GCC2: variants seen among roughly 807,000 people sequenced by gnomAD.
The protein encoded by GCC2 is GRIP and coiled-coil domain-containing protein 2.
A neutral mutation model predicts 210.6 loss-of-function variants in GCC2; 120 were observed. That is an observed-to-expected ratio of 0.57 (90% confidence interval 0.49 to 0.66). The LOEUF (loss-of-function observed/expected upper bound fraction) is 0.66. Ranked by LOEUF, GCC2 falls within the 30% of genes least tolerant of loss-of-function variation. GCC2 has a pLI of 0.00. For missense variants in GCC2, 1,868 were observed against 1,871.9 expected (o/e 1.00, Z 0.04); for synonymous variants, 703 against 652.7 (o/e 1.08, Z -1.17).
Position 108,475,655 on chromosome 2 carries a change from G to T in GCC2, c.2961+20G>T. The T allele has an allele frequency of 6.7e-7, 1 of 1,489,588 alleles. No individual in the cohort carries two copies. The highest frequency in any genetic ancestry group is 9.1e-7 in the Non-Finnish European group (1 of 1,093,388). The allele number at this position is 1,489,588 out of a possible 1,614,324, so 92.3% of individuals were successfully genotyped here. A position where few individuals can be genotyped will look rare whatever the true frequency, so the allele number is the denominator to read the frequency against. The stretch of plus-strand genomic sequence containing the variant: ...AAAGAGGTGAGCTGACTTTAAAAAT[G>T]TAAGATTCCGGAATCTCACATTTTT... On this transcript the variant is annotated intron_variant, in intron 8 of 22. Coordinates refer to ENST00000309863, the MANE Select transcript of GCC2 (RefSeq NM_181453.4).
intron 9 of GCC2, among the ~76,000 whole-genome samples, chr2:108,481,041 C>A (rs1219013479): frequency 6.6e-6 from 1 of 152,216 alleles, no homozygotes; most frequent in African/African-American, 2.4e-5. Context: ...TAAAGAACTA[C>A]ATGCAGTCTC....
At chr2:108,486,296 CTTT>C in intron 15 of GCC2, 1 of 550,760 alleles carries the variant, frequency 1.8e-6, no homozygotes, top group Admixed American at 3.3e-5. Context: ...CTGGGATTTT[CTTT>C]TTTTTGAATT....
At chr2:108,498,486 G>A (rs960186393) in intron 21 of GCC2, among the ~76,000 whole-genome samples, 2 of 151,890 alleles carry the variant, frequency 1.3e-5, no homozygotes, top group African/African-American at 2.4e-5. Flanking sequence ...GAGCCACCAC[G>A]CCTGGCCAAA....
At chr2:108,502,691 G>T (rs1340417573) in intron 22 of GCC2, among the ~76,000 whole-genome samples, 2 of 152,128 alleles carry the variant, frequency 1.3e-5, no homozygotes, top group East Asian at 3.9e-4. Context: ...CACTTTGGGA[G>T]GCTGAGGAGG....
chr2:108,470,639 TATCAG>T lies in GCC2; in HGVS notation c.1312_1316del (p.Ser438ThrfsTer3). The T allele has an allele frequency of 6.2e-7, 1 of 1,612,122 alleles. No homozygotes were observed. The highest frequency in any genetic ancestry group is 8.5e-7 in the Non-Finnish European group (1 of 1,178,912). ...CTTAAGGAACAACATCAAAAAGAAA[TATCAG>T]AACTAAATGAGACATTTTTGTCAGA... On this transcript the variant is annotated frameshift_variant, in exon 6 of 23. Transcript: ENST00000309863. LOFTEE classifies it high-confidence loss of function.
intron 7 of GCC2, among the ~76,000 whole-genome samples, chr2:108,474,119 C>T (rs962757555): frequency 3.3e-5 from 5 of 152,138 alleles, no homozygotes; most frequent in African/African-American, 1.2e-4. Context: ...GATCATGCCA[C>T]TGCACTCCAG....
intron 19 of GCC2, chr2:108,493,718 T>C (rs947073779): frequency 2.4e-4 from 241 of 985,310 alleles, no homozygotes; most frequent in Non-Finnish European, 2.8e-4. Flanking sequence ...ACTGGAGCAT[T>C]AGCCGCTATC....
Position 108,451,102 on chromosome 2 carries a change from A to G in GCC2, c.138A>G (p.Ser46=), listed in dbSNP as rs745986904. 1.9e-6 allele frequency: 3 copies of G among 1,599,534 alleles called. No individual in the cohort carries two copies. Among genetic ancestry groups the G allele is most frequent in the African/African-American group, 1.3e-5 (1 of 74,654 alleles). ...TGATGCTAATACAGAAAGCTAAATC[A>G]AGGTGTACAGGTATTGGGTTGAAAA... The part of the protein sequence containing the change: ...KQMMLIQKAK[S]RCTELEKEIE... The change falls in exon 3 of 23, where the codon TCA becomes TCG. Residue 46 remains serine (S), a synonymous_variant. Transcript: ENST00000309863.
chr2:108,503,618 C>T (rs1683037298), intron 22 of GCC2, among the ~76,000 whole-genome samples: 1 of 152,184 alleles, frequency 6.6e-6, no homozygotes, highest in Non-Finnish European at 1.5e-5. Flanking sequence ...CTGAGAGCCA[C>T]TCTTCCTGGC....
chr2:108,461,166 C>T (rs1680548703), intron 4 of GCC2, among the ~76,000 whole-genome samples: 1 of 152,168 alleles, frequency 6.6e-6, no homozygotes, highest in Admixed American at 6.5e-5. Context: ...CTCTTATCTC[C>T]AATGAATATA....
intron 7 of GCC2, among the ~76,000 whole-genome samples, chr2:108,474,396 C>G (rs1234694916): frequency 6.6e-6 from 1 of 152,170 alleles, no homozygotes; most frequent in Non-Finnish European, 1.5e-5. Context: ...ATTGCTAGTG[C>G]TGCTGATGTA....
rs3084885 is a variant in GCC2, at chr2:108,498,183, C to CTTTTTTT, written c.4782+1098_4782+1104dup. On this transcript the variant is annotated intron_variant, in intron 21 of 22. Transcript: ENST00000309863. ...ATGACTTATTTAAATGTTATATTTTCTTTTTTTTTTTTTTTTTTTTTTTTT... is the reference window on the plus strand; with the variant it reads ...ATGACTTATTTAAATGTTATATTTTCTTTTTTTTTTTTTTTTTTTTTTTTTTTTTTTT... Among the ~76,000 whole-genome samples the CTTTTTTT allele has an allele frequency of 3.1e-3, 176 of 57,500 alleles. 21 individuals carry two copies. The highest frequency in any genetic ancestry group is 4.3e-3 in the African/African-American group (59 of 13,652). 37.7% of individuals were successfully genotyped at this position (57,500 alleles called of 152,430 possible).
chr2:108,493,090 G>T (rs897755400), intron 19 of GCC2, among the ~76,000 whole-genome samples: 1 of 152,022 alleles, frequency 6.6e-6, no homozygotes, highest in South Asian at 2.1e-4. Context: ...TGTCAGTCTC[G>T]TGACATGTCT....
intron 10 of GCC2, 73 bp from the exon 11 acceptor site, chr2:108,482,214 T>G: frequency 1.2e-6 from 1 of 821,894 alleles, no homozygotes. Flanking sequence ...TTCTCATTAA[T>G]GTACCTGTTC....
At chr2:108,450,003 C>A (rs572897492) in intron 2 of GCC2, 12 of 291,592 alleles carry the variant, frequency 4.1e-5, no homozygotes, top group African/African-American at 2.6e-4. Context: ...GGGTAGGAAT[C>A]AAGGGATTCT....
chr2:108,461,829 T>C (rs1269221594), intron 4 of GCC2, among the ~76,000 whole-genome samples: 1 of 136,378 alleles, frequency 7.3e-6, no homozygotes, highest in Non-Finnish European at 1.6e-5. Flanking sequence ...TTTTTTTTTT[T>C]CTTTTTCTTT....
chr2:108,468,643 C>T (rs537764213), intron 4 of GCC2, among the ~76,000 whole-genome samples: 1 of 152,274 alleles, frequency 6.6e-6, no homozygotes, highest in African/African-American at 2.4e-5. Flanking sequence ...CACATGACAC[C>T]TCCCTCAACA....
rs1455595235 is a variant in GCC2, at chr2:108,489,706, C to T, written c.4053-132C>T. The stretch of plus-strand genomic sequence containing the variant: ...TTATGTTTAATCCTAGTCTTGAATT[C>T]TTCTATTATATTTCCTTTAGAATCA... On this transcript the variant is annotated intron_variant, in intron 17 of 22. Transcript: ENST00000309863. The T allele has an allele frequency of 1.3e-5, 7 of 522,054 alleles. No individual in the cohort carries two copies. In the East Asian group the frequency reaches 2.3e-4, roughly 17 times the overall value. 32.3% of individuals were successfully genotyped at this position (522,054 alleles called of 1,614,324 possible).
chr2:108,479,431 A>G (rs955056056), intron 9 of GCC2, among the ~76,000 whole-genome samples: 1 of 152,184 alleles, frequency 6.6e-6, no homozygotes, highest in Admixed American at 6.5e-5. Context: ...GCCTGAGCTT[A>G]GGAGTTTGAG....
Sources: allele counts gnomAD v4.1 joint callset (sites outside exome capture counted in the v4.1 genomes callset), GRCh38; gene constraint gnomAD v4.1.1; transcripts MANE v1.5; gene names NCBI Gene and HGNC (gene_info 2026-07-23, HGNC 2026-07-21).